Variants in GAS2 observed in about 807,000 individuals in gnomAD.
GAS2 encodes growth arrest specific 2.
Under a neutral mutation model 37.5 loss-of-function variants are expected in GAS2, and 20 were observed. The ratio of observed to expected loss-of-function variants is 0.53; its 90% confidence interval spans 0.37 to 0.77. The LOEUF is 0.77. GAS2 is among the 30% of genes least tolerant of loss of function. The pLI, the probability that GAS2 is intolerant of heterozygous loss-of-function variation, is 0.00. For synonymous variants in GAS2, 144 were observed against 132.2 expected (o/e 1.09, Z -0.61); for missense variants, 336 against 373.4 (o/e 0.90, Z 0.82).
intron 7 of GAS2, among the ~76,000 whole-genome samples, chr11:22,784,627 G>T (rs981858739): frequency 1.3e-5 from 2 of 152,090 alleles, no homozygotes; most frequent in African/African-American, 4.8e-5. Context: ...CCACAAGCAA[G>T]GTTTCATAGG....
At chr11:22,627,796 T>C (rs1398125190) in intron 1 of GAS2, among the ~76,000 whole-genome samples, 2 of 143,202 alleles carry the variant, frequency 1.4e-5, no homozygotes, top group Admixed American at 1.4e-4. Flanking sequence ...AAAAGGAAAA[T>C]GGAAAAAAAA....
chr11:22,754,239 T>A (rs1564871665), intron 6 of GAS2, among the ~76,000 whole-genome samples: 1 of 152,072 alleles, frequency 6.6e-6, no homozygotes, highest in African/African-American at 2.4e-5. Flanking sequence ...TTCTTATATA[T>A]CTATTTAGTC....
chr11:22,794,146 G>A (rs1403262601), intron 7 of GAS2, among the ~76,000 whole-genome samples: 1 of 149,902 alleles, frequency 6.7e-6, no homozygotes, highest in Non-Finnish European at 1.5e-5. Flanking sequence ...ATTTTCTTAT[G>A]TAGATATTTT....
chr11:22,634,520 C>G (rs1233941848), intron 1 of GAS2, among the ~76,000 whole-genome samples: 1 of 152,192 alleles, frequency 6.6e-6, no homozygotes, highest in African/African-American at 2.4e-5. Context: ...CACAAATAGA[C>G]AGTTTTGGGA....
intron 7 of GAS2, among the ~76,000 whole-genome samples, chr11:22,763,768 A>T (rs529388979): frequency 1.3e-4 from 20 of 152,276 alleles, no homozygotes; most frequent in Non-Finnish European, 2.6e-4. Flanking sequence ...CTTCTGATGT[A>T]TATAAAATCT....
At chr11:22,767,674 T>G (rs2134408072) in intron 7 of GAS2, among the ~76,000 whole-genome samples, 1 of 152,292 alleles carries the variant, frequency 6.6e-6, no homozygotes, top group African/African-American at 2.4e-5. Context: ...ATATAAATTG[T>G]CTATAGTTCT....
intron 3 of GAS2, among the ~76,000 whole-genome samples, chr11:22,691,120 C>CG (rs974904940): frequency 3.3e-5 from 5 of 150,084 alleles, no homozygotes; most frequent in South Asian, 2.1e-4. Context: ...AAGGAGGGGG[C>CG]GGGGGGAAAA....
rs541193828 is a variant in GAS2, at chr11:22,655,750, A to G, written c.-20-19100A>G. On this transcript the variant is annotated intron_variant, in intron 1 of 5. Transcript: ENST00000528582. ...CAAATGTCTTGTCTCCTCATTCAGC[A>G]AACAAACCAAACCATAAGATGTAAA... Among the ~76,000 whole-genome samples, 7 of 152,346 alleles carry G rather than the reference A, an allele frequency of 4.6e-5. No homozygotes were observed. The East Asian group carries it at 1.3e-3, about 29-fold the overall frequency.
intron 4 of GAS2, among the ~76,000 whole-genome samples, chr11:22,733,521 A>AACTAAACTATACATTCATG (rs1852590953): frequency 6.6e-6 from 1 of 151,744 alleles, no homozygotes; most frequent in Non-Finnish European, 1.5e-5. Flanking sequence ...TAATATATTT[A>AACTAAACTATACATTCATG]ACTAAACTAT....
At chr11:22,647,043 G>A (rs926475776) in intron 1 of GAS2, among the ~76,000 whole-genome samples, 2 of 151,174 alleles carry the variant, frequency 1.3e-5, no homozygotes, top group East Asian at 3.9e-4. Flanking sequence ...TCTAGCATTA[G>A]GTATATCTCC....
At chr11:22,695,461 G>GT (rs1163382637) in intron 3 of GAS2, among the ~76,000 whole-genome samples, 1 of 152,126 alleles carries the variant, frequency 6.6e-6, no homozygotes, top group African/African-American at 2.4e-5. Flanking sequence ...AATCCACCAT[G>GT]TACCCTCCCT....
intron 5 of GAS2, among the ~76,000 whole-genome samples, chr11:22,743,375 T>A (rs1401884464): frequency 6.6e-6 from 1 of 152,052 alleles, no homozygotes; most frequent in Non-Finnish European, 1.5e-5. Context: ...AACACTTAAT[T>A]TGTCAATTAA....
At chr11:22,700,903 G>A (rs964443996) in intron 3 of GAS2, among the ~76,000 whole-genome samples, 11 of 152,168 alleles carry the variant, frequency 7.2e-5, no homozygotes, top group East Asian at 1.9e-4. Context: ...TGTGTCTTTC[G>A]ATTACTAGAG....
intron 3 of GAS2, among the ~76,000 whole-genome samples, chr11:22,723,631 T>C (rs1852049144): frequency 6.6e-6 from 1 of 151,974 alleles, no homozygotes; most frequent in Admixed American, 6.6e-5. Flanking sequence ...GCTATGTGAA[T>C]TATTTTATAG....
At chr11:22,673,183 C>A (rs540175838) in intron 1 of GAS2, among the ~76,000 whole-genome samples, 105 of 152,150 alleles carry the variant, frequency 6.9e-4, no homozygotes, top group African/African-American at 2.5e-3. Context: ...ATTACTACAG[C>A]AAAATATTTG....
chr11:22,799,061 G>C (rs762399562), intron 7 of GAS2, among the ~76,000 whole-genome samples: 3 of 152,092 alleles, frequency 2.0e-5, no homozygotes, highest in Non-Finnish European at 4.4e-5. Flanking sequence ...GAATGGAGTT[G>C]ACAGGAAGGT....
chr11:22,651,414 G>C (rs926393648), intron 1 of GAS2, among the ~76,000 whole-genome samples: 5 of 151,972 alleles, frequency 3.3e-5, no homozygotes, highest in Non-Finnish European at 5.9e-5. Flanking sequence ...TGCTCTTCTC[G>C]AGGAGTATCT....
At chr11:22,699,866 G>A (rs1056797860) in intron 3 of GAS2, among the ~76,000 whole-genome samples, 1 of 152,108 alleles carries the variant, frequency 6.6e-6, no homozygotes, top group African/African-American at 2.4e-5. Flanking sequence ...GCAAGAAAGA[G>A]CCTGATGGAC....
intron 1 of GAS2, among the ~76,000 whole-genome samples, chr11:22,633,451 C>T (rs1193625748): frequency 6.6e-6 from 1 of 152,142 alleles, no homozygotes; most frequent in Non-Finnish European, 1.5e-5. Context: ...ACAAAGATGT[C>T]ACAAAGCTTA....
Sources: allele counts gnomAD v4.1 joint callset (sites outside exome capture counted in the v4.1 genomes callset), GRCh38; gene constraint gnomAD v4.1.1; transcripts MANE v1.5; gene names NCBI Gene and HGNC (gene_info 2026-07-23, HGNC 2026-07-21).